The following GLIS3 variants were observed in gnomAD, a reference collection of about 807,000 sequenced individuals.
GLIS3 encodes zinc finger protein GLIS3.
GLIS3 carries 53 observed loss-of-function variants against 78.6 expected under a neutral mutation model. That is an observed-to-expected ratio of 0.67 (90% CI 0.54 to 0.85). GLIS3 has a LOEUF of 0.85. Among genes scored for constraint, GLIS3 ranks in the 40% least tolerant of loss-of-function variants. The pLI is 0.00. For missense variants in GLIS3, 1,703 were observed against 1,231.1 expected (o/e 1.38, Z -5.74); for synonymous variants, 684 against 509.9 (o/e 1.34, Z -4.60).
In GLIS3 at chr9:4,292,137, A is replaced by C. The variant is rs1816033952; in HGVS notation, c.-98-5614T>G. 2.0e-5 allele frequency among the ~76,000 whole-genome samples: 3 copies of C among 152,190 alleles called. No individual in the cohort carries two copies. In the South Asian group the frequency reaches 6.2e-4, roughly 31 times the overall value. ...GGGCCCACAGGCTGTAAGTTCCTAC[A>C]TCTACATTCAATGAAGTATTCATTT... On this transcript the variant is annotated intron_variant, in intron 1 of 10. Transcript: ENST00000381971.
chr9:4,317,680 T>C (rs1817461727), intron 2 of GLIS3, among the ~76,000 whole-genome samples: 1 of 152,218 alleles, frequency 6.6e-6, no homozygotes, highest in Admixed American at 6.5e-5. Context: ...ATCACAAAGG[T>C]GGTCTACAGA....
intron 9 of GLIS3, among the ~76,000 whole-genome samples, chr9:3,834,915 C>G (rs893901692): frequency 6.6e-6 from 1 of 152,182 alleles, no homozygotes; most frequent in Non-Finnish European, 1.5e-5. Context: ...GTGTCACCCA[C>G]TTTCTTCACT....
the GLIS3 span, among the ~76,000 whole-genome samples, chr9:4,478,682 G>A: frequency 6.6e-6 from 1 of 151,980 alleles, no homozygotes; most frequent in Non-Finnish European, 1.5e-5. Flanking sequence ...CCAACCAAGG[G>A]AAAGAAATTA....
intron 2 of GLIS3, among the ~76,000 whole-genome samples, chr9:4,185,103 T>C (rs924646234): frequency 6.6e-6 from 1 of 152,184 alleles, no homozygotes; most frequent in African/African-American, 2.4e-5. Flanking sequence ...ATATAGTTAA[T>C]CCCTGTTCCC....
At chr9:4,084,584 A>G (rs1197930519) in intron 4 of GLIS3, among the ~76,000 whole-genome samples, 1 of 152,074 alleles carries the variant, frequency 6.6e-6, no homozygotes, top group Admixed American at 6.6e-5. Context: ...GAAGAAGGGG[A>G]AAAAAGGCTG....
chr9:3,937,312 C>A (rs368763498), intron 4 of GLIS3, 123 bp from the exon 5 acceptor site: 1 of 966,776 alleles, frequency 1.0e-6, no homozygotes. Context: ...AAAATCAAAT[C>A]CAAACAGTAA....
At chr9:3,932,144 A>C (rs1825659524) in intron 6 of GLIS3, among the ~76,000 whole-genome samples, 1 of 122,042 alleles carries the variant, frequency 8.2e-6, no homozygotes, top group Non-Finnish European at 2.0e-5. Context: ...CAGCTATGCA[A>C]ACCATAGCCA....
chr9:4,164,154 T>C (rs975188491), intron 2 of GLIS3, among the ~76,000 whole-genome samples: 4 of 152,226 alleles, frequency 2.6e-5, no homozygotes, highest in Non-Finnish European at 5.9e-5. Context: ...CAGTGGGTCA[T>C]TTAGTGTCCT....
chr9:3,898,587 C>G, intron 7 of GLIS3, 104 bp downstream of exon 7: 2 of 1,382,814 alleles, frequency 1.4e-6, no homozygotes, highest in South Asian at 1.2e-5. Context: ...AAGAACAACA[C>G]AGACGATCTT....
At chr9:4,405,461 A>C in the GLIS3 span, among the ~76,000 whole-genome samples, 3 of 152,202 alleles carry the variant, frequency 2.0e-5, no homozygotes, top group Admixed American at 6.5e-5. Flanking sequence ...TATGCCAATA[A>C]ATTGGAAAAT....
At chr9:4,167,909 C>G (rs1816015579) in intron 2 of GLIS3, among the ~76,000 whole-genome samples, 1 of 152,298 alleles carries the variant, frequency 6.6e-6, no homozygotes, top group Admixed American at 6.5e-5. Flanking sequence ...TACTCCTCTA[C>G]ACTGGCCAAG....
the GLIS3 span, among the ~76,000 whole-genome samples, chr9:4,406,790 T>A: frequency 1.3e-5 from 2 of 151,684 alleles, no homozygotes; most frequent in African/African-American, 2.4e-5. Flanking sequence ...ATGAAAGAAA[T>A]TGAAGAGGAC....
At chr9:3,936,048 TG>T (rs1454972108) in intron 5 of GLIS3, among the ~76,000 whole-genome samples, 2 of 152,174 alleles carry the variant, frequency 1.3e-5, no homozygotes, top group Non-Finnish European at 2.9e-5. Context: ...TATGAGAAGG[TG>T]TGTAGAAATA....
intron 4 of GLIS3, among the ~76,000 whole-genome samples, chr9:4,117,153 A>G (rs745629553): frequency 2.0e-5 from 3 of 152,150 alleles, no homozygotes; most frequent in Admixed American, 6.6e-5. Context: ...ATTACCTCTT[A>G]AAATTAGTTA....
chr9:4,043,542 A>G (rs963539355), intron 4 of GLIS3, among the ~76,000 whole-genome samples: 4 of 152,070 alleles, frequency 2.6e-5, no homozygotes, highest in Non-Finnish European at 4.4e-5. Flanking sequence ...CATATCCTAA[A>G]GAAGGAGAAG....
chr9:4,076,241 GA>G (rs1337509441), intron 4 of GLIS3, among the ~76,000 whole-genome samples: 2 of 152,072 alleles, frequency 1.3e-5, no homozygotes, highest in South Asian at 2.1e-4. Context: ...ATCTCCATGT[GA>G]AAAAAATATT....
intron 7 of GLIS3, among the ~76,000 whole-genome samples, chr9:3,886,832 C>G (rs1037300732): frequency 6.6e-6 from 1 of 152,138 alleles, no homozygotes; most frequent in South Asian, 2.1e-4. Flanking sequence ...TGGAAGGCTG[C>G]GTTTGGTATT....
intron 1 of GLIS3, among the ~76,000 whole-genome samples, chr9:4,296,997 A>T (rs899608714): frequency 4.6e-5 from 7 of 151,634 alleles, no homozygotes; most frequent in Admixed American, 3.9e-4. Flanking sequence ...ATCGTGGCGG[A>T]TTCTTTTTCT....
chr9:3,834,497 T>C (rs918251312), intron 9 of GLIS3, among the ~76,000 whole-genome samples: 1 of 152,184 alleles, frequency 6.6e-6, no homozygotes, highest in Non-Finnish European at 1.5e-5. Context: ...TTAATTCAAA[T>C]TTAAATAGCC....
Sources: allele counts gnomAD v4.1 joint callset (sites outside exome capture counted in the v4.1 genomes callset), GRCh38; gene constraint gnomAD v4.1.1; transcripts MANE v1.5; gene names NCBI Gene and HGNC (gene_info 2026-07-23, HGNC 2026-07-21).